The following ABCA5 variants were observed in gnomAD, a reference collection of about 807,000 sequenced individuals.
The protein encoded by ABCA5 is ATP binding cassette subfamily A member 5, also known as cholesterol transporter ABCA5.
In ABCA5, 163 loss-of-function variants were observed where a neutral mutation model predicts 206.0. That is an observed-to-expected ratio of 0.79 (90% CI 0.70 to 0.90). The LOEUF is 0.90. Ranked by LOEUF, ABCA5 falls within the 40% of genes least tolerant of loss-of-function variation. The pLI is 0.00. For synonymous variants in ABCA5, 609 were observed against 613.8 expected (o/e 0.99, Z 0.11); for missense variants, 1,859 against 1,912.9 (o/e 0.97, Z 0.53).
intron 10 of ABCA5, 104 bp downstream of exon 10, chr17:69,297,087 T>C: frequency 9.0e-7 from 1 of 1,106,034 alleles, no homozygotes. Flanking sequence ...TCATGGCATA[T>C]GTACCAAATC....
intron 3 of ABCA5, among the ~76,000 whole-genome samples, chr17:69,310,691 A>G (rs2075759653): frequency 6.6e-6 from 1 of 152,194 alleles, no homozygotes; most frequent in Non-Finnish European, 1.5e-5. Context: ...AGTTTTGTTT[A>G]CAAGCAACTA....
rs779363752 is a variant in ABCA5 at position 69,253,589 on chromosome 17, C to G, written c.4399G>C (p.Ala1467Pro). 5.0e-6 allele frequency: 8 copies of G among 1,613,470 alleles called. No homozygotes were observed. Among genetic ancestry groups the G allele is most frequent in the Non-Finnish European group, 6.8e-6 (8 of 1,179,660 alleles). ...CATACTCACCACATGTGCTGTTTGG[C>G]TTTGGGATCCATACCTGTAGATGGT... is the stretch of plus-strand genomic sequence containing the variant. ...DEPSTGMDPK[A>P]KQHMWRAIRT... The change falls in exon 34 of 39, where the codon GCC (alanine) becomes CCC (proline). Residue 1467 changes from alanine (A) to proline (P), a missense_variant. Ala to Pro is a conservative substitution (Grantham distance 27). Coordinates refer to ENST00000392676, the MANE Select transcript of ABCA5 (RefSeq NM_172232.4).
chr17:69,308,184 T>C (rs1221207676), intron 5 of ABCA5, 96 bp downstream of exon 5: 5 of 595,918 alleles, frequency 8.4e-6, no homozygotes, highest in Non-Finnish European at 1.4e-5. Context: ...ATTTTGTACA[T>C]TTGACAGTAG....
chr17:69,250,677 ATC>A, intron 35 of ABCA5, 56 bp from the exon 36 acceptor site: 1 of 1,334,926 alleles, frequency 7.5e-7, no homozygotes, highest in Non-Finnish European at 1.0e-6. Context: ...TCAAAGAATA[ATC>A]TCTCACACAT....
At chr17:69,254,660 T>C (rs1313341481) in intron 31 of ABCA5, among the ~76,000 whole-genome samples, 170 bp from the exon 32 acceptor site, 2 of 152,252 alleles carry the variant, frequency 1.3e-5, no homozygotes, top group Middle Eastern at 3.4e-3. Flanking sequence ...ACTACAAACA[T>C]GTGCCACCAT....
At position 69,313,288 on chromosome 17, in the gene ABCA5, A is replaced by C. The variant is rs776275637; in HGVS notation, c.111T>G (p.Leu37=). The change falls in exon 3 of 39, where the codon CTT becomes CTG. Residue 37 remains leucine (L), a synonymous_variant. Coordinates refer to ENST00000392676, the MANE Select transcript of ABCA5 (RefSeq NM_172232.4). ...ACCAAAATAAAAAAAATAGTGGAAA[A>C]AGAATTTCCTACAATAAAAGAAACA... ...RTKKSSVQEI[L]FPLFFLFWLI... 13 of 1,357,524 alleles carry C rather than the reference A, an allele frequency of 9.6e-6. No homozygotes were observed. The highest frequency in any genetic ancestry group is 1.0e-6 in the Non-Finnish European group (1 of 981,346). 84.1% of individuals were successfully genotyped at this position (1,357,524 alleles called of 1,614,324 possible). A position where few individuals can be genotyped will look rare whatever the true frequency, so the allele number is the denominator to read the frequency against.
Position 69,256,287 on chromosome 17 carries a change from CAT to C in ABCA5, c.3732-6_3732-5del. 1.3e-6 allele frequency: 2 copies of C among 1,537,360 alleles called. No homozygotes were observed. The highest frequency in any genetic ancestry group is 1.8e-6 in the Non-Finnish European group (2 of 1,136,678). On this transcript the variant is annotated splice_region_variant and splice_polypyrimidine_tract_variant and intron_variant, in intron 28 of 38. Transcript: ENST00000392676. ...TTTAGACTTCGTTGAAAGGTTTCTA[CAT>C]ATATATAATAAATATAAAAGACAGT...
rs1403304320 is a variant in ABCA5 at position 69,309,294 on chromosome 17, A to G, written c.437T>C (p.Ile146Thr). The G allele has an allele frequency of 1.3e-6, 2 of 1,592,760 alleles. No homozygotes were observed. Among genetic ancestry groups the G allele is most frequent in the Non-Finnish European group, 1.7e-6 (2 of 1,174,126 alleles). ...SYELRFFPDM[I>T]PVSSIYMDSR... ...ATCCATATAAATAGAAGATACTGGA[A>G]TCATATCAGGAAAAAAACGAAGTTC... Residue 146 changes from isoleucine to threonine, a missense_variant, in exon 4 of 39, where the codon ATT (isoleucine) becomes ACT (threonine). Ile to Thr is a moderately conservative substitution (Grantham distance 89). Coordinates refer to ENST00000392676, the MANE Select transcript of ABCA5 (RefSeq NM_172232.4).
intron 1 of ABCA5, among the ~76,000 whole-genome samples, chr17:69,316,399 A>T (rs2075815869): frequency 6.6e-6 from 1 of 152,018 alleles, no homozygotes; most frequent in Non-Finnish European, 1.5e-5. Flanking sequence ...AGGCAAAAGA[A>T]TCGCTTGAAC....
intron 14 of ABCA5, among the ~76,000 whole-genome samples, chr17:69,288,957 C>A (rs1307181150): frequency 1.3e-5 from 2 of 152,010 alleles, no homozygotes; most frequent in Admixed American, 6.6e-5. Context: ...ATCCATGTAA[C>A]CAAAAACCTT....
At chr17:69,289,758 A>G (rs1022898111) in intron 13 of ABCA5, 104 bp downstream of exon 13, 24 of 867,402 alleles carry the variant, frequency 2.8e-5, no homozygotes, top group Non-Finnish European at 4.1e-5. Flanking sequence ...GCTCAGAACA[A>G]GTGTTATATT....
chr17:69,304,621 C>A, intron 7 of ABCA5, 48 bp downstream of exon 7: 1 of 1,433,628 alleles, frequency 7.0e-7, no homozygotes, highest in South Asian at 1.5e-5. Flanking sequence ...GCTATGTTAT[C>A]AAACATTTTG....
intron 20 of ABCA5, among the ~76,000 whole-genome samples, chr17:69,273,603 G>A (rs958435563): frequency 2.0e-5 from 3 of 151,650 alleles, no homozygotes; most frequent in Admixed American, 6.6e-5. Context: ...CTACAGGCGC[G>A]TGCCACCATG....
chr17:69,298,229 TAGGAAGGAAGGAAGGAAGGA>T (rs1190899981), intron 9 of ABCA5, among the ~76,000 whole-genome samples: 18 of 33,500 alleles, frequency 5.4e-4, no homozygotes, highest in African/African-American at 1.6e-3. Context: ...GGAAGGTAGG[TAGGAAGGAAGGAAGGAAGGA>T]AGGAAGGAAG....
chr17:69,320,099 C>T (rs974830842), intron 1 of ABCA5, among the ~76,000 whole-genome samples: 6 of 152,110 alleles, frequency 3.9e-5, no homozygotes, highest in Non-Finnish European at 7.4e-5. Flanking sequence ...GTGGCTTGTA[C>T]ATGGCAACTA....
intron 3 of ABCA5, 61 bp downstream of exon 3, chr17:69,313,031 G>T: frequency 8.7e-7 from 1 of 1,150,318 alleles, no homozygotes; most frequent in Non-Finnish European, 1.2e-6. Flanking sequence ...AATAAAGCAA[G>T]CTGATAAATA....
intron 11 of ABCA5, among the ~76,000 whole-genome samples, chr17:69,292,714 A>C (rs914815079): frequency 2.0e-5 from 3 of 152,158 alleles, no homozygotes; most frequent in Non-Finnish European, 4.4e-5. Flanking sequence ...ATGTTGAATA[A>C]AAAGACGTGA....
At chr17:69,308,632 T>C (rs889265062) in intron 4 of ABCA5, among the ~76,000 whole-genome samples, 2 of 152,168 alleles carry the variant, frequency 1.3e-5, no homozygotes, top group African/African-American at 4.8e-5. Context: ...TTAATTGTAG[T>C]TATTTAAAAC....
At chr17:69,308,574 T>C (rs2075741978) in intron 4 of ABCA5, among the ~76,000 whole-genome samples, 1 of 152,198 alleles carries the variant, frequency 6.6e-6, no homozygotes, top group African/African-American at 2.4e-5. Context: ...AAAAGTTATA[T>C]GTGTTAGAAT....
Sources: gnomAD v4.1 joint callset for allele counts (sites outside exome capture counted in the v4.1 genomes callset) on GRCh38, gnomAD v4.1.1 for gene constraint, MANE v1.5 for transcripts, NCBI Gene and HGNC (gene_info 2026-07-23, HGNC 2026-07-21) for gene names.